Variants in VPS8 observed in about 807,000 individuals in gnomAD.
The protein encoded by VPS8 is vacuolar protein sorting-associated protein 8 homolog.
VPS8 carries 129 observed loss-of-function variants against 216.4 expected under a neutral mutation model. The observed-to-expected ratio is 0.60, with a 90% CI of 0.52 to 0.69. The LOEUF (loss-of-function observed/expected upper bound fraction) is 0.69, where lower values mean the gene tolerates loss of function less well. VPS8 is among the 30% of genes least tolerant of loss of function. The pLI is 0.00. For synonymous variants in VPS8, 571 were observed against 565.4 expected, an observed-to-expected ratio of 1.01 and a Z score of -0.14; for missense variants, 1,531 against 1,683.5, an observed-to-expected ratio of 0.91 and a Z score of 1.59.
intron 7 of VPS8, among the ~76,000 whole-genome samples, chr3:184,840,731 TAAAC>T (rs939550091): frequency 8.6e-5 from 13 of 151,752 alleles, no homozygotes; most frequent in Middle Eastern, 3.2e-3. Flanking sequence ...ATAATAATAA[TAAAC>T]AAAAAACTAT....
At chr3:184,990,572 T>C (rs1751761157) in intron 42 of VPS8, among the ~76,000 whole-genome samples, 1 of 152,230 alleles carries the variant, frequency 6.6e-6, no homozygotes, top group African/African-American at 2.4e-5. Flanking sequence ...GATGTAGCAA[T>C]ACCTCATGTA....
In VPS8 at chr3:184,978,486, C is replaced by T. The variant is rs188002523; in HGVS notation, c.3421-4080C>T. 3.8e-4 allele frequency among the ~76,000 whole-genome samples: 57 copies of T among 151,966 alleles called. 1 individual carries two copies. The highest frequency in any genetic ancestry group is 1.8e-3 in the Admixed American group (27 of 15,250). ...TGGAGAGCAGTGGTATGATCGACCT[C>T]CCAGGCTCAAGCAATCCTCCCACCT... On this transcript the variant is annotated intron_variant, in intron 40 of 47. Coordinates refer to ENST00000625842, the MANE Select transcript of VPS8 (RefSeq NM_001009921.3).
chr3:184,869,973 C>T (rs1159088209), intron 20 of VPS8, among the ~76,000 whole-genome samples: 2 of 151,568 alleles, frequency 1.3e-5, no homozygotes, highest in African/African-American at 4.9e-5. Flanking sequence ...TTTTCCCTTG[C>T]TCACTCTTTT....
intron 34 of VPS8, among the ~76,000 whole-genome samples, chr3:184,934,220 G>A (rs1741203459): frequency 6.6e-6 from 1 of 151,974 alleles, no homozygotes; most frequent in South Asian, 2.1e-4. Flanking sequence ...GCCCAGGCTG[G>A]AGTATAGTGG....
intron 40 of VPS8, among the ~76,000 whole-genome samples, chr3:184,976,743 G>T (rs1749330122): frequency 1.3e-5 from 2 of 152,088 alleles, no homozygotes; most frequent in Non-Finnish European, 2.9e-5. Context: ...GCGTTAGTTT[G>T]CTTAGGATAA....
At chr3:184,992,006 T>G (rs1009042049) in intron 42 of VPS8, among the ~76,000 whole-genome samples, 1 of 152,202 alleles carries the variant, frequency 6.6e-6, no homozygotes, top group South Asian at 2.1e-4. Flanking sequence ...ACATAGTTAT[T>G]TTGTGCCTTG....
At chr3:184,909,926 T>C (rs1736166925) in intron 25 of VPS8, among the ~76,000 whole-genome samples, 1 of 152,108 alleles carries the variant, frequency 6.6e-6, no homozygotes, top group Admixed American at 6.5e-5. Flanking sequence ...TCGTCTTCCA[T>C]TGTTTTATCA....
rs1733934548 is a variant in VPS8 at position 184,898,586 on chromosome 3, A to G, written c.2026A>G (p.Asn676Asp). 8 of 1,553,966 alleles carry G rather than the reference A, an allele frequency of 5.1e-6. No homozygotes were observed. Among genetic ancestry groups the G allele is most frequent in the South Asian group, 1.2e-5 (1 of 84,070 alleles). ...IQQVVLMCWE[N>D]RLYDAMIYVY... ...ACAGGTAGTTCTCATGTGTTGGGAA[A>G]ATCGTTTATATGATGCTATGATCTA... is the stretch of plus-strand genomic sequence containing the variant. The change falls in exon 24 of 48, where the codon AAT becomes GAT. Residue 676 changes from asparagine to aspartate, a missense_variant. By Grantham distance (23) the Asn-to-Asp change is conservative. Around this residue, in one of 3 missense-constraint regions of VPS8, gnomAD observed 1,318 missense variants for 1,468.4 expected, o/e 0.90. Coordinates refer to ENST00000625842, the MANE Select transcript of VPS8 (RefSeq NM_001009921.3).
chr3:184,927,884 G>A (rs747905579), intron 31 of VPS8, among the ~76,000 whole-genome samples: 14 of 152,120 alleles, frequency 9.2e-5, no homozygotes, highest in Admixed American at 7.9e-4. Context: ...CATCCATGCC[G>A]CAGCATGCAT....
intron 3 of VPS8, among the ~76,000 whole-genome samples, chr3:184,831,700 C>T (rs764446038): frequency 6.6e-6 from 1 of 152,192 alleles, no homozygotes; most frequent in Non-Finnish European, 1.5e-5. Flanking sequence ...ATCCGTACTC[C>T]TACTCAACCC....
intron 1 of VPS8, among the ~76,000 whole-genome samples, chr3:184,818,678 A>G (rs941183064): frequency 2.0e-5 from 3 of 152,160 alleles, no homozygotes; most frequent in Admixed American, 6.5e-5. Flanking sequence ...CAAAAATAAA[A>G]TTTGCATGTA....
intron 25 of VPS8, among the ~76,000 whole-genome samples, chr3:184,903,263 A>C (rs1488157761): frequency 6.6e-6 from 1 of 152,160 alleles, no homozygotes; most frequent in Admixed American, 6.5e-5. Flanking sequence ...TGGTTTATCT[A>C]GTACAGATTC....
chr3:184,971,186 G>C (rs1382988243), intron 39 of VPS8, among the ~76,000 whole-genome samples: 1 of 152,210 alleles, frequency 6.6e-6, no homozygotes, highest in Non-Finnish European at 1.5e-5. Context: ...GATTGGAGAT[G>C]TGTGTTTGAA....
intron 33 of VPS8, 95 bp downstream of exon 33, chr3:184,929,759 A>G (rs1284987613): frequency 6.1e-6 from 4 of 659,810 alleles, no homozygotes; most frequent in Non-Finnish European, 9.6e-6. Context: ...GCGCATGTGT[A>G]TGAGCCAAAT....
At chr3:185,035,432 T>C (rs528783482) in intron 46 of VPS8, among the ~76,000 whole-genome samples, 3 of 152,290 alleles carry the variant, frequency 2.0e-5, no homozygotes, top group Admixed American at 6.5e-5. Flanking sequence ...GCATTATTCC[T>C]GGTATACAAG....
Position 184,929,663 on chromosome 3 carries a change from A to C in VPS8, c.2798A>C (p.Glu933Ala). 2 of 1,494,252 alleles carry C rather than the reference A, an allele frequency of 1.3e-6. No homozygotes were observed. The highest frequency in any genetic ancestry group is 1.8e-6 in the Non-Finnish European group (2 of 1,111,748). 92.6% of individuals were successfully genotyped at this position (1,494,252 alleles called of 1,614,324 possible). ...IDCYLRDPLREEEVFNYIHNI... is the reference protein window; with the variant it reads ...IDCYLRDPLRAEEVFNYIHNI... ...TGCTACTTACGTGACCCTCTGCGAG[A>C]GGTGAGTCAAGATACTGCTTTACTC... Residue 933 changes from glutamate (E) to alanine (A), a missense_variant and splice_region_variant, in exon 33 of 48, where the codon GAG (glutamate) becomes GCG (alanine). Physicochemically the swap from Glu to Ala is moderately radical, Grantham distance 107 (BLOSUM62 -1). This residue lies in a region of VPS8 where 1,318 missense variants were observed against 1,468.4 expected (regional missense o/e 0.90). Coordinates refer to ENST00000625842, the MANE Select transcript of VPS8 (RefSeq NM_001009921.3).
chr3:184,908,587 G>T (rs922192265), intron 25 of VPS8, among the ~76,000 whole-genome samples: 5 of 152,252 alleles, frequency 3.3e-5, no homozygotes, highest in African/African-American at 1.2e-4. Context: ...TAGCAGCTCG[G>T]TCGGCCTCTG....
chr3:185,047,333 A>T (rs1238769198), intron 46 of VPS8, among the ~76,000 whole-genome samples: 1 of 151,940 alleles, frequency 6.6e-6, no homozygotes, highest in Non-Finnish European at 1.5e-5. Flanking sequence ...ACTTTATGTG[A>T]TGTAGCTATA....
chr3:184,951,900 C>G (rs150583899), intron 36 of VPS8, among the ~76,000 whole-genome samples: 313 of 152,306 alleles, frequency 2.1e-3, no homozygotes, highest in Non-Finnish European at 3.3e-3. Flanking sequence ...CGTTACTTCT[C>G]TCACAAATGA....
Sources: allele counts gnomAD v4.1 joint callset (sites outside exome capture counted in the v4.1 genomes callset), GRCh38; gene constraint gnomAD v4.1.1; regional missense constraint gnomAD v4.1.1; transcripts MANE v1.5; gene names NCBI Gene and HGNC (gene_info 2026-07-23, HGNC 2026-07-21).